BCL7A: variants seen among roughly 807,000 people sequenced by gnomAD.
BCL7A encodes BAF chromatin remodeling complex subunit BCL7A, also known as B-cell CLL/lymphoma 7 protein family member A.
BCL7A carries 11 observed loss-of-function variants against 28.4 expected under a neutral mutation model. The observed-to-expected ratio is 0.39, with a 90% CI of 0.24 to 0.64. BCL7A has a LOEUF of 0.64. Among genes scored for constraint, BCL7A ranks in the 30% least tolerant of loss-of-function variants. The pLI, the probability that BCL7A is intolerant of heterozygous loss-of-function variation, is 0.50. For missense variants in BCL7A, 222 were observed against 274.8 expected, an observed-to-expected ratio of 0.81 and a Z score of 1.36; for synonymous variants, 123 against 103.3, an observed-to-expected ratio of 1.19 and a Z score of -1.15.
rs1453897272 is a variant in BCL7A at position 122,061,312 on chromosome 12, G to A, written c.*2149G>A. On this transcript the variant is annotated 3_prime_UTR_variant, in exon 6 of 6. Coordinates refer to ENST00000261822, the MANE Select transcript of BCL7A (RefSeq NM_001024808.3). ...CTCTCTGGACAGGCAAGGGGAGTTGGCGCAGGTGAGGACTCAGACGACGTC... is the reference window on the plus strand; with the variant it reads ...CTCTCTGGACAGGCAAGGGGAGTTGACGCAGGTGAGGACTCAGACGACGTC... The A allele has an allele frequency of 4.3e-6, 1 of 231,232 alleles. No homozygotes were observed. The highest frequency in any genetic ancestry group is 6.1e-5 in the East Asian group (1 of 16,354). 14.3% of individuals were successfully genotyped at this position (231,232 alleles called of 1,614,324 possible).
intron 2 of BCL7A, among the ~76,000 whole-genome samples, chr12:122,033,554 C>T (rs1465490544): frequency 1.4e-5 from 2 of 147,628 alleles, no homozygotes; most frequent in Non-Finnish European, 1.5e-5. Flanking sequence ...CATCATGATC[C>T]GCCCGCCTCG....
At position 122,031,006 on chromosome 12, in the gene BCL7A, C is replaced by T. The variant is rs528067176; in HGVS notation, c.174+225C>T. 5.3e-5 allele frequency among the ~76,000 whole-genome samples: 8 copies of T among 152,152 alleles called. No homozygotes were observed. In the East Asian group the frequency reaches 1.5e-3, roughly 29 times the overall value. The stretch of plus-strand genomic sequence containing the variant: ...CTCAGAGCGGTGGACGGGGGGATCC[C>T]GCAAGCTGTGTCTTCTTCTTCTTCT... On this transcript the variant is annotated intron_variant, in intron 2 of 5. Transcript: ENST00000261822.
At chr12:122,050,874 C>T (rs530211589) in intron 4 of BCL7A, among the ~76,000 whole-genome samples, 1 of 152,208 alleles carries the variant, frequency 6.6e-6, no homozygotes, top group Non-Finnish European at 1.5e-5. Context: ...GCAAAGTGCT[C>T]GGCCTGGAGC....
intron 4 of BCL7A, chr12:122,044,315 C>T (rs538054263): frequency 2.0e-5 from 8 of 392,088 alleles, no homozygotes; most frequent in African/African-American, 1.2e-4. Flanking sequence ...TCAAGACCAG[C>T]CTGGGCAACA....
intron 2 of BCL7A, among the ~76,000 whole-genome samples, chr12:122,035,019 C>T (rs1455730165): frequency 1.1e-4 from 17 of 152,188 alleles, no homozygotes; most frequent in Admixed American, 1.1e-3. Context: ...GCAGGTCCTG[C>T]CAGCCAGGGT....
Position 122,060,961 on chromosome 12 carries a change from TAAAA to T in BCL7A, c.*1806_*1809del, listed in dbSNP as rs111336661. ...TAGCAATGCCGAAAGGTTTCTGTCTTAAAAAAAAAAATCCTTGTACTTATCAATT... is the reference window on the plus strand; with the variant it reads ...TAGCAATGCCGAAAGGTTTCTGTCTTAAAAAAATCCTTGTACTTATCAATT... On this transcript the variant is annotated 3_prime_UTR_variant, in exon 6 of 6. Coordinates refer to ENST00000261822, the MANE Select transcript of BCL7A (RefSeq NM_001024808.3). 1 of 198,896 alleles carries T rather than the reference TAAAA, an allele frequency of 5.0e-6. No homozygotes were observed. Among genetic ancestry groups the T allele is most frequent in the East Asian group, 8.5e-5 (1 of 11,792 alleles). 12.3% of individuals were successfully genotyped at this position (198,896 alleles called of 1,614,324 possible). A position where few individuals can be genotyped will look rare whatever the true frequency, so the allele number is the denominator to read the frequency against.
chr12:122,024,424 A>G (rs1883565513), intron 1 of BCL7A, among the ~76,000 whole-genome samples: 1 of 148,994 alleles, frequency 6.7e-6, no homozygotes, highest in Admixed American at 6.7e-5. Flanking sequence ...TCTGTGTTGT[A>G]AGGTGGACTT....
At chr12:122,050,836 G>T (rs531923960) in intron 4 of BCL7A, among the ~76,000 whole-genome samples, 1 of 152,222 alleles carries the variant, frequency 6.6e-6, no homozygotes, top group Non-Finnish European at 1.5e-5. Context: ...TGCCTCCCTC[G>T]CCGGGAGCGA....
intron 5 of BCL7A, among the ~76,000 whole-genome samples, chr12:122,056,587 G>A (rs1951879692): frequency 6.6e-6 from 1 of 152,100 alleles, no homozygotes; most frequent in Non-Finnish European, 1.5e-5. Flanking sequence ...GATCACTTGA[G>A]GCCAGGAGTT....
chr12:122,039,685 C>T (rs1292948836), intron 3 of BCL7A, among the ~76,000 whole-genome samples: 1 of 151,100 alleles, frequency 6.6e-6, no homozygotes, highest in Non-Finnish European at 1.5e-5. Context: ...AAAATCCCAT[C>T]TCTACTAAAA....
chr12:122,057,077 T>C (rs1452723100), intron 5 of BCL7A, among the ~76,000 whole-genome samples: 2 of 152,094 alleles, frequency 1.3e-5, no homozygotes, highest in Non-Finnish European at 2.9e-5. Flanking sequence ...TCCCACTAAG[T>C]GCCGTGAGAG....
At chr12:122,035,710 A>G (rs1346442640) in intron 3 of BCL7A, among the ~76,000 whole-genome samples, 1 of 152,234 alleles carries the variant, frequency 6.6e-6, no homozygotes. Flanking sequence ...TGTTTCTCTC[A>G]GCCTCGTGTG....
At chr12:122,054,725 G>T (rs1405243899) in intron 4 of BCL7A, 80 bp from the exon 5 acceptor site, 16 of 1,417,704 alleles carry the variant, frequency 1.1e-5, no homozygotes, top group African/African-American at 1.4e-5. Context: ...CCCGATTCAA[G>T]GTATTTTCAG....
Position 122,044,084 on chromosome 12 carries a change from G to A in BCL7A, c.439+31G>A, listed in dbSNP as rs1401553525. ...TGGCCTCTGGAGGTGGGGCTCTGAC[G>A]GCCTCCCTGTAACCGGCCTTCAGGC... is the stretch of plus-strand genomic sequence containing the variant. On this transcript the variant is annotated intron_variant, in intron 4 of 5. Transcript: ENST00000261822. 2.0e-5 allele frequency: 32 copies of A among 1,594,520 alleles called. 1 individual carries two copies. The highest frequency in any genetic ancestry group is 3.4e-5 in the Admixed American group (2 of 58,224).
chr12:122,022,869 G>A (rs1443570369), intron 1 of BCL7A, among the ~76,000 whole-genome samples: 1 of 151,826 alleles, frequency 6.6e-6, no homozygotes, highest in Admixed American at 6.6e-5. Context: ...GGCGCGGGGC[G>A]CCCACGTCCC....
chr12:122,023,197 T>C (rs1883514540), intron 1 of BCL7A, among the ~76,000 whole-genome samples: 1 of 152,208 alleles, frequency 6.6e-6, no homozygotes, highest in African/African-American at 2.4e-5. Context: ...GATCGCCAGG[T>C]TGGGTCAGAG....
At position 122,034,457 on chromosome 12, in the gene BCL7A, C is replaced by T. The variant is rs954093659; in HGVS notation, c.175-874C>T. 1.1e-4 allele frequency among the ~76,000 whole-genome samples: 16 copies of T among 148,204 alleles called. 1 individual carries two copies. Among genetic ancestry groups the T allele is most frequent in the Admixed American group, 7.4e-4 (11 of 14,784 alleles). On this transcript the variant is annotated intron_variant, in intron 2 of 5. Transcript: ENST00000261822. ...AAAAAAAAAAAAAAAATTGAATGGC[C>T]GGGCACAGTGGCTCACACCTGTAAT...
rs1257631608 is a variant in BCL7A, at chr12:122,060,666, T to C, written c.*1503T>C. The C allele has an allele frequency of 4.3e-6, 1 of 233,210 alleles. No individual in the cohort carries two copies. The highest frequency in any genetic ancestry group is 8.5e-6 in the Non-Finnish European group (1 of 117,914). 14.4% of individuals were successfully genotyped at this position (233,210 alleles called of 1,614,324 possible). On this transcript the variant is annotated 3_prime_UTR_variant, in exon 6 of 6. Coordinates refer to ENST00000261822, the MANE Select transcript of BCL7A (RefSeq NM_001024808.3). ...GGGTGGGGTGGGGTCATGGGTTTTG[T>C]TGTTTTTGGGGGCTAATTGGTGCAT...
chr12:122,059,115 T>C lies in BCL7A; in HGVS notation c.585T>C (p.Ser195=). Residue 195 remains serine (S), a synonymous_variant, in exon 6 of 6, where the codon TCT becomes TCC. Transcript: ENST00000261822. This position sits in a 1 kb window ranked among gnomAD's most constrained non-coding sequence, Gnocchi z 4.0. ...ISQDLEGVPP[S]KKMKLEASQQ... is the part of the protein sequence containing the mutation. ...AGGATTTGGAAGGAGTGCCACCCTCTAAAAAGATGAAACTGGAGGCCTCTC... is the reference window on the plus strand; with the variant it reads ...AGGATTTGGAAGGAGTGCCACCCTCCAAAAAGATGAAACTGGAGGCCTCTC... 1 of 1,612,068 alleles carries C rather than the reference T, an allele frequency of 6.2e-7. No individual in the cohort carries two copies. Among genetic ancestry groups the C allele is most frequent in the Non-Finnish European group, 8.5e-7 (1 of 1,178,170 alleles).
Sources: gnomAD v4.1 joint callset for allele counts (sites outside exome capture counted in the v4.1 genomes callset) on GRCh38, gnomAD v4.1.1 for gene constraint, Gnocchi (gnomAD v3.1) non-coding constraint, MANE v1.5 for transcripts, NCBI Gene and HGNC (gene_info 2026-07-23, HGNC 2026-07-21) for gene names.